Variants in RASA2 observed in about 807,000 individuals in gnomAD.
RASA2 encodes RAS p21 protein activator 2, also known as ras GTPase-activating protein 2.
Under a neutral mutation model 118.2 loss-of-function variants are expected in RASA2, and 155 were observed. The ratio of observed to expected loss-of-function variants is 1.31; its 90% CI spans 1.15 to 1.50. The LOEUF (loss-of-function observed/expected upper bound fraction) is 1.50, where lower values mean the gene tolerates loss of function less well. RASA2 is among the 40% of genes most tolerant of loss of function. The probability of loss-of-function intolerance (pLI) is 0.00; values close to 1 mark genes in which losing one functional copy is unlikely to be tolerated. For missense variants in RASA2, 1,016 were observed against 1,009.6 expected (o/e 1.01, Z -0.09); for synonymous variants, 353 against 349.1 (o/e 1.01, Z -0.12).
At chr3:141,514,079 A>G (rs1035526597) in intron 2 of RASA2, among the ~76,000 whole-genome samples, 29 of 152,202 alleles carry the variant, frequency 1.9e-4, no homozygotes, top group African/African-American at 7.0e-4. Context: ...ATTAGATTTT[A>G]TCAAACTTAG....
At chr3:141,603,146 G>T (rs1316467451) in intron 19 of RASA2, among the ~76,000 whole-genome samples, 1 of 152,092 alleles carries the variant, frequency 6.6e-6, no homozygotes, top group African/African-American at 2.4e-5. Context: ...TTAACAATTT[G>T]CCCAGTTTTA....
chr3:141,591,586 G>A (rs2083286035), intron 19 of RASA2, among the ~76,000 whole-genome samples: 1 of 152,090 alleles, frequency 6.6e-6, no homozygotes, highest in Non-Finnish European at 1.5e-5. Context: ...ATTACGTTAC[G>A]AACTACTTGT....
intron 1 of RASA2, among the ~76,000 whole-genome samples, chr3:141,499,023 G>C (rs117388914): frequency 2.0e-5 from 3 of 152,162 alleles, no homozygotes; most frequent in South Asian, 4.1e-4. Flanking sequence ...ACTTGGTGAC[G>C]TATCTATATA....
chr3:141,503,285 A>G (rs1192141377), intron 1 of RASA2, among the ~76,000 whole-genome samples: 1 of 152,186 alleles, frequency 6.6e-6, no homozygotes, highest in Admixed American at 6.5e-5. Context: ...ATACTCACAT[A>G]TGTACATACT....
At chr3:141,527,344 G>T (rs917975301) in intron 3 of RASA2, among the ~76,000 whole-genome samples, 1 of 152,098 alleles carries the variant, frequency 6.6e-6, no homozygotes, top group Non-Finnish European at 1.5e-5. Context: ...TTCGTTTCTG[G>T]ATGGTAAGTA....
At chr3:141,490,257 T>TTTGG (rs1266877327) in intron 1 of RASA2, among the ~76,000 whole-genome samples, 16 of 151,320 alleles carry the variant, frequency 1.1e-4, no homozygotes, top group Middle Eastern at 3.4e-3. Context: ...GACTCCATTC[T>TTTGG]TCGGTCTGCA....
intron 4 of RASA2, among the ~76,000 whole-genome samples, chr3:141,539,431 C>G (rs1342164929): frequency 6.6e-6 from 1 of 152,120 alleles, no homozygotes; most frequent in African/African-American, 2.4e-5. Flanking sequence ...TAACCCTGAG[C>G]TTTGTACCTG....
At chr3:141,552,608 A>G (rs901822704) in intron 5 of RASA2, among the ~76,000 whole-genome samples, 2 of 152,238 alleles carry the variant, frequency 1.3e-5, no homozygotes, top group Admixed American at 6.5e-5. Context: ...TTTAAGCAGT[A>G]TGTACAGTGG....
At chr3:141,498,567 C>T (rs886844199) in intron 1 of RASA2, among the ~76,000 whole-genome samples, 6 of 152,122 alleles carry the variant, frequency 3.9e-5, no homozygotes, top group Non-Finnish European at 8.8e-5. Flanking sequence ...TGTGTACACA[C>T]ATACATACAC....
At chr3:141,500,879 G>C (rs76491194) in intron 1 of RASA2, among the ~76,000 whole-genome samples, 1 of 141,358 alleles carries the variant, frequency 7.1e-6, no homozygotes, top group South Asian at 2.1e-4. Context: ...TATTTTTTTT[G>C]TCTCTCAGAT....
chr3:141,558,174 T>G (rs2151117604), intron 7 of RASA2, among the ~76,000 whole-genome samples: 1 of 152,338 alleles, frequency 6.6e-6, no homozygotes, highest in Admixed American at 6.5e-5. Context: ...GTAATAAATC[T>G]AGCCCTGTCC....
chr3:141,571,695 A>T, intron 11 of RASA2, 141 bp downstream of exon 11: 1 of 751,716 alleles, frequency 1.3e-6, no homozygotes, highest in Non-Finnish European at 2.0e-6. Flanking sequence ...CTTAACAAAT[A>T]ACAAAAGGCA....
At chr3:141,610,370 TTATATTTATATATTA>T (rs2083622229) in intron 23 of RASA2, among the ~76,000 whole-genome samples, 1 of 118,854 alleles carries the variant, frequency 8.4e-6, no homozygotes, top group African/African-American at 3.3e-5. Flanking sequence ...TATTATATAT[TTATATTTATATATTA>T]TATATTTATA....
intron 14 of RASA2, among the ~76,000 whole-genome samples, chr3:141,574,789 A>G (rs2082984492): frequency 6.6e-6 from 1 of 152,206 alleles, no homozygotes; most frequent in Non-Finnish European, 1.5e-5. Context: ...AGTTCCATAA[A>G]ATTGACTAGA....
chr3:141,580,058 GAAAAAAAAAAGAA>G (rs2083077892), intron 15 of RASA2, among the ~76,000 whole-genome samples: 1 of 18,732 alleles, frequency 5.3e-5, no homozygotes, highest in Non-Finnish European at 9.0e-5. Flanking sequence ...TCCATCTCAG[GAAAAAAAAAAGAA>G]AAAAAAAAAA....
chr3:141,603,103 C>T (rs969600196), intron 19 of RASA2, among the ~76,000 whole-genome samples: 6 of 152,106 alleles, frequency 3.9e-5, no homozygotes, highest in Non-Finnish European at 5.9e-5. Context: ...AACTTATCAC[C>T]GTTGGTTGTT....
chr3:141,604,556 T>C (rs1290728954), intron 19 of RASA2, among the ~76,000 whole-genome samples: 2 of 152,212 alleles, frequency 1.3e-5, no homozygotes, highest in African/African-American at 2.4e-5. Context: ...TTCTTTTACC[T>C]TTTTACATTA....
chr3:141,512,573 G>T (rs2081967436), intron 2 of RASA2, among the ~76,000 whole-genome samples: 1 of 152,138 alleles, frequency 6.6e-6, no homozygotes, highest in African/African-American at 2.4e-5. Context: ...GTTCATAGAA[G>T]TTGCTTAACT....
intron 5 of RASA2, among the ~76,000 whole-genome samples, chr3:141,542,896 T>G (rs951894951): frequency 2.0e-5 from 3 of 152,190 alleles, no homozygotes; most frequent in Non-Finnish European, 4.4e-5. Context: ...CTTTTGAGAT[T>G]GGCTTTTTTT....
Sources: allele counts gnomAD v4.1 joint callset (sites outside exome capture counted in the v4.1 genomes callset), GRCh38; gene constraint gnomAD v4.1.1; transcripts MANE v1.5; gene names NCBI Gene and HGNC (gene_info 2026-07-23, HGNC 2026-07-21).